The following AGK variants were observed in gnomAD, a reference collection of about 807,000 sequenced individuals.
AGK encodes acylglycerol kinase, mitochondrial.
A neutral mutation model predicts 66.4 loss-of-function variants in AGK; 52 were observed. The observed-to-expected ratio is 0.78, with a 90% CI of 0.63 to 0.99. AGK has a LOEUF of 0.99. Among genes scored for constraint, AGK ranks in the 50% least tolerant of loss-of-function variants. The pLI, the probability that AGK is intolerant of heterozygous loss-of-function variation, is 0.00. For missense variants in AGK, 451 were observed against 506.6 expected (o/e 0.89, Z 1.05); for synonymous variants, 182 against 181.1 (o/e 1.00, Z -0.04).
chr7:141,604,374 G>GTATATA (rs368893843), intron 5 of AGK, among the ~76,000 whole-genome samples: 10,367 of 113,510 alleles, frequency 0.091, 516 homozygotes, highest in African/African-American at 0.12. Flanking sequence ...GTGTGTGTGT[G>GTATATA]TATATATATA....
At chr7:141,565,100 C>A (rs542588373) in intron 2 of AGK, among the ~76,000 whole-genome samples, 1 of 152,246 alleles carries the variant, frequency 6.6e-6, no homozygotes, top group East Asian at 1.9e-4. Context: ...CCTAGGCCTT[C>A]TTCTCACATT....
In AGK at chr7:141,601,202, C is replaced by G; in HGVS notation, c.222-3C>G. 2 of 1,606,696 alleles carry G rather than the reference C, an allele frequency of 1.2e-6. No homozygotes were observed. Among genetic ancestry groups the G allele is most frequent in the Non-Finnish European group, 1.7e-6 (2 of 1,175,294 alleles). On this transcript the variant is annotated splice_polypyrimidine_tract_variant and splice_region_variant and intron_variant, in intron 4 of 15. Coordinates refer to ENST00000649286, the MANE Select transcript of AGK (RefSeq NM_018238.4). ...ATGTTTATATTTTTTCCTTTGTTAA[C>G]AGAAAAGCCAGGACTCTATTTGAAA...
intron 4 of AGK, chr7:141,597,353 C>T (rs1796249359): frequency 6.6e-6 from 1 of 152,026 alleles, no homozygotes. Context: ...TGTGGAGACT[C>T]AAAGTCTGTT....
At chr7:141,617,320 GT>G (rs1002956805) in intron 8 of AGK, among the ~76,000 whole-genome samples, 10 of 152,170 alleles carry the variant, frequency 6.6e-5, no homozygotes, top group African/African-American at 2.2e-4. Flanking sequence ...AGAGTCTTCA[GT>G]TTGGGGGAAC....
At chr7:141,566,869 C>G (rs1285531789) in intron 2 of AGK, among the ~76,000 whole-genome samples, 3 of 152,158 alleles carry the variant, frequency 2.0e-5, no homozygotes, top group African/African-American at 4.8e-5. Context: ...AGTCTGCATT[C>G]CCATGTGTTT....
intron 9 of AGK, among the ~76,000 whole-genome samples, chr7:141,629,994 G>A (rs1013131095): frequency 2.6e-5 from 4 of 152,160 alleles, no homozygotes; most frequent in African/African-American, 9.7e-5. Context: ...AATGTGTAAT[G>A]TACATTAACA....
At chr7:141,651,703 A>C in intron 15 of AGK, 94 bp downstream of exon 15, 1 of 1,183,396 alleles carries the variant, frequency 8.5e-7, no homozygotes, top group South Asian at 1.2e-5. Context: ...CTGTTAGCTG[A>C]CCTAGACTTA....
chr7:141,587,382 C>T (rs1177621871), intron 2 of AGK, among the ~76,000 whole-genome samples: 1 of 152,170 alleles, frequency 6.6e-6, no homozygotes, highest in African/African-American at 2.4e-5. Flanking sequence ...AATAATCCCT[C>T]CAAAATGTAA....
At chr7:141,592,865 G>A (rs998756892) in intron 2 of AGK, among the ~76,000 whole-genome samples, 9 of 151,798 alleles carry the variant, frequency 5.9e-5, no homozygotes, top group African/African-American at 1.9e-4. Flanking sequence ...CACCATGCCC[G>A]GCTAATTTTT....
At chr7:141,552,029 A>G (rs1245799126) in intron 1 of AGK, among the ~76,000 whole-genome samples, 4 of 152,178 alleles carry the variant, frequency 2.6e-5, no homozygotes, top group African/African-American at 9.7e-5. Flanking sequence ...CCAGTCACCC[A>G]AGCACAAAAA....
At position 141,559,387 on chromosome 7, in the gene AGK, C is replaced by T. The variant is rs139222150; in HGVS notation, c.101+3820C>T. ...TGAAGAGACTGTCATTTCCCCATTG[C>T]GTGGTCTTGGCATCCCTATTGAAGA... On this transcript the variant is annotated intron_variant, in intron 2 of 15. Coordinates refer to ENST00000649286, the MANE Select transcript of AGK (RefSeq NM_018238.4). Among the ~76,000 whole-genome samples, 206 of 152,156 alleles carry T rather than the reference C, an allele frequency of 1.4e-3. 2 individuals carry two copies. In the East Asian group the frequency reaches 0.022, roughly 16 times the overall value.
At chr7:141,589,439 G>A (rs1295037838) in intron 2 of AGK, among the ~76,000 whole-genome samples, 1 of 152,176 alleles carries the variant, frequency 6.6e-6, no homozygotes, top group Non-Finnish European at 1.5e-5. Context: ...TAGATCATCA[G>A]ACTATCTCAA....
intron 2 of AGK, among the ~76,000 whole-genome samples, chr7:141,584,724 T>C (rs1267865538): frequency 1.3e-5 from 2 of 152,244 alleles, no homozygotes; most frequent in Non-Finnish European, 2.9e-5. Flanking sequence ...TTGCATTTGA[T>C]AGTAGAATTT....
chr7:141,559,933 A>G (rs974526908), intron 2 of AGK, among the ~76,000 whole-genome samples: 4 of 151,218 alleles, frequency 2.6e-5, no homozygotes, highest in African/African-American at 9.7e-5. Flanking sequence ...TGTGTTGTGT[A>G]TCCTACAACT....
intron 5 of AGK, among the ~76,000 whole-genome samples, chr7:141,602,207 G>A (rs1238766664): frequency 6.6e-6 from 1 of 151,492 alleles, no homozygotes; most frequent in African/African-American, 2.4e-5. Flanking sequence ...GTGTGTGTGT[G>A]TGTGTATGTA....
chr7:141,641,577 A>C lies in AGK; in HGVS notation c.877+179A>C, dbSNP rs7778493. On this transcript the variant is annotated intron_variant, in intron 12 of 15. Coordinates refer to ENST00000649286, the MANE Select transcript of AGK (RefSeq NM_018238.4). ...CCCAAGCAATGTGCCATCAATGGGCATAGCAGTCTCTGTGCACAGTCTTTC... is the reference window on the plus strand; with the variant it reads ...CCCAAGCAATGTGCCATCAATGGGCCTAGCAGTCTCTGTGCACAGTCTTTC... 3.4e-3 allele frequency among the ~76,000 whole-genome samples: 517 copies of C among 152,334 alleles called. 2 individuals carry two copies. Among genetic ancestry groups the C allele is most frequent in the African/African-American group, 0.012 (481 of 41,582 alleles).
chr7:141,609,971 GTTT>G (rs532318470), intron 5 of AGK, among the ~76,000 whole-genome samples: 1 of 143,804 alleles, frequency 7.0e-6, no homozygotes, highest in Non-Finnish European at 1.5e-5. Flanking sequence ...GTTTTTTTTT[GTTT>G]TTTTTTTTTC....
At chr7:141,596,812 A>G (rs778743711) in intron 4 of AGK, 171 bp downstream of exon 4, 21 of 598,574 alleles carry the variant, frequency 3.5e-5, no homozygotes, top group Admixed American at 6.4e-5. Context: ...AGAAATAACT[A>G]TAAAACTAAT....
chr7:141,568,339 C>T (rs570134071), intron 2 of AGK, among the ~76,000 whole-genome samples: 7 of 152,218 alleles, frequency 4.6e-5, no homozygotes, highest in Non-Finnish European at 7.3e-5. Flanking sequence ...ATTCCTGCAT[C>T]ACTGGGGACC....
Sources: gnomAD v4.1 joint callset for allele counts (sites outside exome capture counted in the v4.1 genomes callset) on GRCh38, gnomAD v4.1.1 for gene constraint, MANE v1.5 for transcripts, NCBI Gene and HGNC (gene_info 2026-07-23, HGNC 2026-07-21) for gene names.